GALNT1: variants seen among roughly 807,000 people sequenced by gnomAD.
GALNT1 encodes the protein polypeptide N-acetylgalactosaminyltransferase 1, also known as GalNAc transferase 1.
In GALNT1, 17 loss-of-function variants were observed where a neutral mutation model predicts 65.7. That is an observed-to-expected ratio of 0.26 (90% CI 0.18 to 0.39). GALNT1 has a LOEUF of 0.39. Among genes scored for constraint, GALNT1 ranks in the 10% least tolerant of loss-of-function variants. The pLI is 1.00. For synonymous variants in GALNT1, 210 were observed against 219.7 expected, an observed-to-expected ratio of 0.96 and a Z score of 0.39; for missense variants, 460 against 672.8, an observed-to-expected ratio of 0.68 and a Z score of 3.50.
At chr18:35,704,628 T>A (rs72968447) in intron 11 of GALNT1, among the ~76,000 whole-genome samples, 9,378 of 150,434 alleles carry the variant, frequency 0.062, 323 homozygotes, top group South Asian at 0.078. Flanking sequence ...TAATTTATTT[T>A]TTTTTATTTT....
chr18:35,604,644 A>G (rs1568014278), intron 1 of GALNT1, among the ~76,000 whole-genome samples: 1 of 152,048 alleles, frequency 6.6e-6, no homozygotes, highest in Non-Finnish European at 1.5e-5. Context: ...TGTGATTTTG[A>G]TTTGCATTTC....
At chr18:35,599,609 C>G (rs1044738780) in intron 1 of GALNT1, among the ~76,000 whole-genome samples, 1 of 152,104 alleles carries the variant, frequency 6.6e-6, no homozygotes, top group East Asian at 1.9e-4. Flanking sequence ...GCAGTCTGCC[C>G]GCCTTGGTCT....
At chr18:35,701,760 C>T (rs1183539322) in intron 9 of GALNT1, among the ~76,000 whole-genome samples, 2 of 151,908 alleles carry the variant, frequency 1.3e-5, no homozygotes, top group African/African-American at 2.4e-5. Context: ...GGGGTGGGGA[C>T]GTATTAAAAT....
At position 35,654,771 on chromosome 18, in the gene GALNT1, A is replaced by G. The variant is rs1328935980; in HGVS notation, c.109A>G (p.Lys37Glu). Residue 37 changes from lysine (K) to glutamate (E), a missense_variant, in exon 2 of 12, where the codon AAA (lysine) becomes GAA (glutamate). Transcript: ENST00000269195. ...YFSECNKCDE[K>E]KERGLPAGDV... ...CAGTGAATGCAACAAATGTGATGAA[A>G]AAAAGGAGAGAGGACTTCCTGCTGG... 1.3e-6 allele frequency: 2 copies of G among 1,561,838 alleles called. No individual in the cohort carries two copies. Among genetic ancestry groups the G allele is most frequent in the South Asian group, 1.2e-5 (1 of 82,844 alleles).
chr18:35,668,130 C>T (rs2047575354), intron 3 of GALNT1, among the ~76,000 whole-genome samples: 1 of 151,928 alleles, frequency 6.6e-6, no homozygotes, highest in Non-Finnish European at 1.5e-5. Flanking sequence ...CTGAACTAAC[C>T]ATCTTAAGAA....
chr18:35,642,991 A>C (rs1424526319), intron 1 of GALNT1, among the ~76,000 whole-genome samples: 1 of 151,942 alleles, frequency 6.6e-6, no homozygotes, highest in Non-Finnish European at 1.5e-5. Flanking sequence ...GTCCTAGAGC[A>C]CAGCCTTCCA....
chr18:35,603,433 G>A (rs1426741534), intron 1 of GALNT1, among the ~76,000 whole-genome samples: 3 of 152,030 alleles, frequency 2.0e-5, no homozygotes, highest in Non-Finnish European at 2.9e-5. Context: ...GATATTCTTG[G>A]GACTGAATAT....
At chr18:35,707,504 AG>A (rs1309191392) in intron 11 of GALNT1, among the ~76,000 whole-genome samples, 3 of 152,234 alleles carry the variant, frequency 2.0e-5, no homozygotes, top group African/African-American at 4.8e-5. Flanking sequence ...TATCTGGAAC[AG>A]GGTTCTCCAC....
chr18:35,692,918 C>T (rs534094256), intron 9 of GALNT1, among the ~76,000 whole-genome samples: 1 of 152,262 alleles, frequency 6.6e-6, no homozygotes, highest in East Asian at 1.9e-4. Flanking sequence ...TCAGTCCTTT[C>T]ATTCATTCAA....
At chr18:35,636,938 A>C (rs1400464772) in intron 1 of GALNT1, among the ~76,000 whole-genome samples, 2 of 151,900 alleles carry the variant, frequency 1.3e-5, no homozygotes, top group African/African-American at 4.8e-5. Flanking sequence ...AGAGGTTTTC[A>C]TTATTATATC....
intron 1 of GALNT1, among the ~76,000 whole-genome samples, chr18:35,611,426 T>G (rs976013208): frequency 5.3e-5 from 8 of 152,260 alleles, no homozygotes; most frequent in Non-Finnish European, 7.3e-5. Context: ...AATAGCTTTT[T>G]AATATTTTAT....
chr18:35,699,761 TCTG>T (rs2048124731), intron 9 of GALNT1, among the ~76,000 whole-genome samples: 1 of 144,794 alleles, frequency 6.9e-6, no homozygotes, highest in Non-Finnish European at 1.5e-5. Context: ...TTTTCCAAAT[TCTG>T]CTGTTTTAAA....
Position 35,703,004 on chromosome 18 carries a change from CT to C in GALNT1, c.1398+11del. The C allele has an allele frequency of 6.6e-7, 1 of 1,514,426 alleles. No individual in the cohort carries two copies. The highest frequency in any genetic ancestry group is 9.0e-7 in the Non-Finnish European group (1 of 1,111,458). The allele number at this position is 1,514,426 out of a possible 1,614,324, so 93.8% of individuals were successfully genotyped here. On this transcript the variant is annotated intron_variant, in intron 10 of 11. Transcript: ENST00000269195. ...GTATGGGGGGTAATCAGGTGAGTATCTTAGAAAACTCTTAAAAGGGATAATT... is the reference window on the plus strand; with the variant it reads ...GTATGGGGGGTAATCAGGTGAGTATCTAGAAAACTCTTAAAAGGGATAATT...
chr18:35,626,558 A>T (rs190947577), intron 1 of GALNT1, among the ~76,000 whole-genome samples: 1 of 152,278 alleles, frequency 6.6e-6, no homozygotes, highest in African/African-American at 2.4e-5. Flanking sequence ...TAGGTTGCAG[A>T]TTGGTGTATC....
chr18:35,677,556 G>A, intron 3 of GALNT1, 35 bp from the exon 4 acceptor site: 3 of 1,560,486 alleles, frequency 1.9e-6, no homozygotes, highest in Non-Finnish European at 2.6e-6. Context: ...AATCTTAACA[G>A]TCACTTTTTA....
intron 1 of GALNT1, among the ~76,000 whole-genome samples, chr18:35,607,365 C>G (rs1273380991): frequency 1.3e-5 from 2 of 152,040 alleles, no homozygotes; most frequent in Non-Finnish European, 2.9e-5. Context: ...GCCTTGTGTT[C>G]TGCCAGAGCC....
chr18:35,702,765 G>A (rs1426847771), intron 9 of GALNT1, 132 bp from the exon 10 acceptor site: 12 of 494,446 alleles, frequency 2.4e-5, no homozygotes, highest in Admixed American at 1.1e-4. Context: ...CTCAGACAGC[G>A]ATAGGCCAAT....
intron 8 of GALNT1, 141 bp from the exon 9 acceptor site, chr18:35,692,040 C>A (rs2047972359): frequency 1.3e-5 from 8 of 629,374 alleles, no homozygotes; most frequent in Non-Finnish European, 2.2e-5. Flanking sequence ...TTGGTGGATT[C>A]ATGGTGTCTC....
chr18:35,631,335 G>A (rs1400332052), intron 1 of GALNT1, among the ~76,000 whole-genome samples: 1 of 152,060 alleles, frequency 6.6e-6, no homozygotes, highest in East Asian at 1.9e-4. Context: ...GAATCCAGCA[G>A]CACATCAAAA....
Sources: gnomAD v4.1 joint callset for allele counts (sites outside exome capture counted in the v4.1 genomes callset) on GRCh38, gnomAD v4.1.1 for gene constraint, MANE v1.5 for transcripts, NCBI Gene and HGNC (gene_info 2026-07-23, HGNC 2026-07-21) for gene names.